The following PRRX1 variants were observed in gnomAD, a reference collection of about 807,000 sequenced individuals.
PRRX1 encodes the protein paired mesoderm homeobox protein 1.
PRRX1 carries 8 observed loss-of-function variants against 24.0 expected under a neutral mutation model. The observed-to-expected ratio is 0.33, with a 90% CI of 0.20 to 0.60. The LOEUF (loss-of-function observed/expected upper bound fraction) is 0.60. PRRX1 is among the 20% of genes least tolerant of loss of function. The pLI, the probability that PRRX1 is intolerant of heterozygous loss-of-function variation, is 0.82. For missense variants in PRRX1, 281 were observed against 322.4 expected (o/e 0.87, Z 0.98); for synonymous variants, 160 against 131.7 (o/e 1.22, Z -1.47).
chr1:170,716,138 G>C (rs1654899298), intron 1 of PRRX1, among the ~76,000 whole-genome samples: 1 of 152,150 alleles, frequency 6.6e-6, no homozygotes, highest in Admixed American at 6.5e-5. Flanking sequence ...TATGACTCAT[G>C]ATCCCAGCAA....
At chr1:170,721,186 A>G (rs749067946) in intron 2 of PRRX1, among the ~76,000 whole-genome samples, 2 of 152,228 alleles carry the variant, frequency 1.3e-5, no homozygotes, top group African/African-American at 2.4e-5. Flanking sequence ...TGCCTTTTCA[A>G]GTAGTGCTTT....
At chr1:170,693,060 A>G (rs1654047152) in intron 1 of PRRX1, among the ~76,000 whole-genome samples, 1 of 151,942 alleles carries the variant, frequency 6.6e-6, no homozygotes, top group African/African-American at 2.4e-5. Context: ...TAGTCACAGC[A>G]TTTTTCCCCA....
chr1:170,694,976 C>G (rs1654118112), intron 1 of PRRX1, among the ~76,000 whole-genome samples: 1 of 152,130 alleles, frequency 6.6e-6, no homozygotes, highest in African/African-American at 2.4e-5. Flanking sequence ...CTGACATAGT[C>G]TAACAATCCG....
chr1:170,663,089 C>T (rs969410867), upstream of PRRX1: 10 of 150,454 alleles, frequency 6.6e-5, no homozygotes, highest in African/African-American at 1.5e-4. Flanking sequence ...TCCCTCTCTC[C>T]CTCCCTCTCT....
chr1:170,716,081 A>G (rs6679519), intron 1 of PRRX1, among the ~76,000 whole-genome samples: 208 of 152,316 alleles, frequency 1.4e-3, no homozygotes, highest in Middle Eastern at 3.4e-3. Flanking sequence ...GTAAAATAAG[A>G]TGGTTGAATT....
chr1:170,664,573 G>A, intron 1 of PRRX1, 114 bp downstream of exon 1: 1 of 1,440,124 alleles, frequency 6.9e-7, no homozygotes, highest in South Asian at 1.4e-5. Flanking sequence ...GGGACCAGGA[G>A]AGGTGATGGC....
At position 170,680,691 on chromosome 1, in the gene PRRX1, G is replaced by A. The variant is rs555881847; in HGVS notation, c.241+16232G>A. 4.6e-5 allele frequency among the ~76,000 whole-genome samples: 7 copies of A among 152,284 alleles called. No homozygotes were observed. In the South Asian group the frequency reaches 1.2e-3, roughly 27 times the overall value. On this transcript the variant is annotated intron_variant, in intron 1 of 3. Coordinates refer to ENST00000239461, the MANE Select transcript of PRRX1 (RefSeq NM_022716.4). ...AGTGTCATAACATCCCATAGTTCAC[G>A]CCTTGCAGATGCTGGCATTGGTTAT...
At chr1:170,721,380 G>A (rs766899098) in intron 2 of PRRX1, among the ~76,000 whole-genome samples, 1 of 152,114 alleles carries the variant, frequency 6.6e-6, no homozygotes, top group African/African-American at 2.4e-5. Context: ...GCCAGAACTT[G>A]AGCTAGACCT....
intron 3 of PRRX1, chr1:170,730,240 T>C: frequency 6.5e-7 from 1 of 1,526,788 alleles, no homozygotes; most frequent in Non-Finnish European, 9.1e-7. Context: ...GCTGAACGCA[T>C]TTGGCTTATT....
chr1:170,719,967 G>A, intron 2 of PRRX1, 66 bp downstream of exon 2: 1 of 1,585,988 alleles, frequency 6.3e-7, no homozygotes, highest in Non-Finnish European at 8.6e-7. Context: ...TCTGAAAACT[G>A]TTTAAAAACA....
chr1:170,695,837 C>CT (rs568812013), intron 1 of PRRX1, among the ~76,000 whole-genome samples: 1 of 38,800 alleles, frequency 2.6e-5, no homozygotes, highest in Non-Finnish European at 4.2e-5. Flanking sequence ...CCTGGGTATG[C>CT]TTTTTTTCCC....
intron 2 of PRRX1, among the ~76,000 whole-genome samples, chr1:170,721,903 C>T (rs1333874227): frequency 9.2e-5 from 14 of 151,726 alleles, no homozygotes. Context: ...CCACAGCACA[C>T]TAATGTGCCA....
chr1:170,712,678 C>T (rs1654788417), intron 1 of PRRX1, among the ~76,000 whole-genome samples: 1 of 152,104 alleles, frequency 6.6e-6, no homozygotes, highest in Non-Finnish European at 1.5e-5. Context: ...TCAAATGACC[C>T]CAGGATGCAG....
At chr1:170,684,425 A>G (rs1014156281) in intron 1 of PRRX1, among the ~76,000 whole-genome samples, 6 of 152,232 alleles carry the variant, frequency 3.9e-5, no homozygotes, top group Non-Finnish European at 5.9e-5. Flanking sequence ...TACTATCAGA[A>G]TAAACTATTT....
chr1:170,734,597 G>A (rs1655545845), intron 3 of PRRX1, among the ~76,000 whole-genome samples: 1 of 152,078 alleles, frequency 6.6e-6, no homozygotes, highest in African/African-American at 2.4e-5. Context: ...AACTGAAATA[G>A]AAGAAGGTAG....
At chr1:170,688,555 G>T (rs571570419) in intron 1 of PRRX1, among the ~76,000 whole-genome samples, 1 of 151,902 alleles carries the variant, frequency 6.6e-6, no homozygotes. Flanking sequence ...ATGTTTAAAA[G>T]GTATGAATAT....
At chr1:170,709,579 AT>A (rs1005039882) in intron 1 of PRRX1, among the ~76,000 whole-genome samples, 247 of 150,034 alleles carry the variant, frequency 1.6e-3, no homozygotes, top group African/African-American at 5.5e-3. Context: ...GTACTGGAAT[AT>A]TTTTTTTTTC....
chr1:170,716,334 C>CTT lies in PRRX1; in HGVS notation c.242-3392_242-3391insTT, dbSNP rs758759936. Among the ~76,000 whole-genome samples, 101 of 152,298 alleles carry CTT rather than the reference C, an allele frequency of 6.6e-4. No individual in the cohort carries two copies. In the Middle Eastern group the frequency reaches 0.017, roughly 26 times the overall value. On this transcript the variant is annotated intron_variant, in intron 1 of 3. Coordinates refer to ENST00000239461, the MANE Select transcript of PRRX1 (RefSeq NM_022716.4). The stretch of plus-strand genomic sequence containing the variant: ...GAGCAGTGGCTCACGCCTGTAATCC[C>CTT]AGCACTTTGGGAGGCCGAGGCAGGT...
chr1:170,681,445 G>A (rs1653502544), intron 1 of PRRX1, among the ~76,000 whole-genome samples: 1 of 149,248 alleles, frequency 6.7e-6, no homozygotes, highest in African/African-American at 2.5e-5. Context: ...GACTGTGCTA[G>A]AATTACAAAT....
Sources: gnomAD v4.1 joint callset for allele counts (sites outside exome capture counted in the v4.1 genomes callset) on GRCh38, gnomAD v4.1.1 for gene constraint, MANE v1.5 for transcripts, NCBI Gene and HGNC (gene_info 2026-07-23, HGNC 2026-07-21) for gene names.